Variants in ZNF804B observed in about 807,000 individuals in gnomAD.
ZNF804B encodes zinc finger protein 804B.
In ZNF804B, 80 loss-of-function variants were observed where a neutral mutation model predicts 101.4. The ratio of observed to expected loss-of-function variants is 0.79; its 90% CI spans 0.66 to 0.95. The LOEUF is 0.95. ZNF804B is among the 40% of genes least tolerant of loss of function. The probability of loss-of-function intolerance (pLI) is 0.00; values close to 1 mark genes in which losing one functional copy is unlikely to be tolerated. For synonymous variants in ZNF804B, 622 were observed against 558.8 expected (o/e 1.11, Z -1.59); for missense variants, 1,673 against 1,561.9 (o/e 1.07, Z -1.20).
intron 1 of ZNF804B, among the ~76,000 whole-genome samples, chr7:88,828,235 T>G (rs1791076579): frequency 6.6e-6 from 1 of 152,158 alleles, no homozygotes; most frequent in Non-Finnish European, 1.5e-5. Flanking sequence ...CCATTTTAAG[T>G]GCACATTTTG....
intron 1 of ZNF804B, among the ~76,000 whole-genome samples, chr7:89,073,088 A>T (rs1198741150): frequency 6.6e-6 from 1 of 152,152 alleles, no homozygotes; most frequent in Admixed American, 6.5e-5. Context: ...ATTTCTAGTA[A>T]TTTCTGTCAA....
intron 1 of ZNF804B, among the ~76,000 whole-genome samples, chr7:88,912,283 A>G (rs1403861142): frequency 1.3e-5 from 2 of 151,866 alleles, no homozygotes; most frequent in East Asian, 3.9e-4. Context: ...TTCATTATTG[A>G]CTGTTAGGAG....
At chr7:89,055,807 G>T (rs536081390) in intron 1 of ZNF804B, among the ~76,000 whole-genome samples, 4 of 152,136 alleles carry the variant, frequency 2.6e-5, no homozygotes, top group African/African-American at 9.6e-5. Flanking sequence ...GAGGGGTAGA[G>T]CTGCACAGGA....
chr7:88,776,567 T>G (rs79835538), intron 1 of ZNF804B, among the ~76,000 whole-genome samples: 8,087 of 145,108 alleles, frequency 0.056, 432 homozygotes, highest in East Asian at 0.17. Flanking sequence ...TTTGTTTTTT[T>G]TTTTTTTTTT....
At chr7:89,283,915 C>T (rs1238942778) in intron 2 of ZNF804B, among the ~76,000 whole-genome samples, 1 of 151,734 alleles carries the variant, frequency 6.6e-6, no homozygotes, top group Non-Finnish European at 1.5e-5. Flanking sequence ...TACTATGTAA[C>T]TTAGAAATAT....
At chr7:88,899,923 C>T (rs549147980) in intron 1 of ZNF804B, among the ~76,000 whole-genome samples, 1 of 152,176 alleles carries the variant, frequency 6.6e-6, no homozygotes, top group African/African-American at 2.4e-5. Flanking sequence ...ATATGGATTT[C>T]ATATGTAGGT....
intron 1 of ZNF804B, among the ~76,000 whole-genome samples, chr7:89,138,767 GA>G (rs1790673676): frequency 6.6e-6 from 1 of 152,104 alleles, no homozygotes; most frequent in African/African-American, 2.4e-5. Flanking sequence ...TAAGTCTCAT[GA>G]GATCTGATGG....
chr7:88,790,218 G>A (rs1451537090), intron 1 of ZNF804B, among the ~76,000 whole-genome samples: 1 of 152,006 alleles, frequency 6.6e-6, no homozygotes, highest in Admixed American at 6.6e-5. Flanking sequence ...GTTAAGTTAT[G>A]TACTCTTATT....
At chr7:89,073,111 G>A (rs1410724915) in intron 1 of ZNF804B, among the ~76,000 whole-genome samples, 2 of 152,058 alleles carry the variant, frequency 1.3e-5, no homozygotes, top group Non-Finnish European at 2.9e-5. Context: ...CATGTCATGA[G>A]AATTTTTAAA....
intron 1 of ZNF804B, among the ~76,000 whole-genome samples, chr7:89,212,902 G>A (rs1673547347): frequency 6.6e-6 from 1 of 152,054 alleles, no homozygotes. Context: ...TCATATTTTG[G>A]GGTGGCATAT....
intron 1 of ZNF804B, among the ~76,000 whole-genome samples, chr7:88,937,647 CTAATT>C (rs1225002097): frequency 6.6e-6 from 1 of 151,596 alleles, no homozygotes; most frequent in Non-Finnish European, 1.5e-5. Context: ...AATAAATAAT[CTAATT>C]TCTTGTAAGA....
intron 2 of ZNF804B, among the ~76,000 whole-genome samples, chr7:89,265,100 T>G (rs1386662263): frequency 1.3e-5 from 2 of 152,200 alleles, no homozygotes; most frequent in East Asian, 3.9e-4. Context: ...TTGTAGGGGC[T>G]GCCAAGAGTA....
At chr7:89,233,898 A>G (rs1305736611) in intron 2 of ZNF804B, among the ~76,000 whole-genome samples, 1 of 152,210 alleles carries the variant, frequency 6.6e-6, no homozygotes, top group Non-Finnish European at 1.5e-5. Context: ...TGCTGGGATC[A>G]CATGTGTGGC....
chr7:88,900,502 A>C (rs1206531712), intron 1 of ZNF804B, among the ~76,000 whole-genome samples: 3 of 150,270 alleles, frequency 2.0e-5, no homozygotes, highest in African/African-American at 4.9e-5. Context: ...TGATCTATTA[A>C]ATTTTCAACA....
chr7:89,090,952 G>A (rs1789876228), intron 1 of ZNF804B, among the ~76,000 whole-genome samples: 1 of 152,028 alleles, frequency 6.6e-6, no homozygotes, highest in Admixed American at 6.6e-5. Flanking sequence ...AAATAAAGGG[G>A]TGATCAGAAT....
intron 2 of ZNF804B, among the ~76,000 whole-genome samples, chr7:89,290,418 C>T (rs999552460): frequency 2.6e-5 from 4 of 152,064 alleles, no homozygotes; most frequent in African/African-American, 9.7e-5. Context: ...TCTTGGGGTC[C>T]CCGATTTCAA....
chr7:88,797,448 T>A (rs1010808520), intron 1 of ZNF804B, among the ~76,000 whole-genome samples: 1 of 152,136 alleles, frequency 6.6e-6, no homozygotes, highest in Non-Finnish European at 1.5e-5. Flanking sequence ...TTTCTTTCCC[T>A]CCATAGAATG....
At chr7:89,039,410 G>A (rs1788980339) in intron 1 of ZNF804B, among the ~76,000 whole-genome samples, 1 of 151,772 alleles carries the variant, frequency 6.6e-6, no homozygotes, top group African/African-American at 2.4e-5. Flanking sequence ...TTAGTGTACA[G>A]ATCTTTCACC....
chr7:89,295,321 G>T lies in ZNF804B; in HGVS notation c.250-32023G>T, dbSNP rs1355264463. ...TCAGTACAAGATGCTATGTAGTACA[G>T]TTGCTCAAAATGCAATTCTGCAGTG... On this transcript the variant is annotated intron_variant, in intron 2 of 3. Transcript: ENST00000333190. 2.0e-5 allele frequency among the ~76,000 whole-genome samples: 3 copies of T among 152,256 alleles called. No homozygotes were observed. The East Asian group carries it at 5.8e-4, about 29-fold the overall frequency.
Sources: gnomAD v4.1 joint callset for allele counts (sites outside exome capture counted in the v4.1 genomes callset) on GRCh38, gnomAD v4.1.1 for gene constraint, MANE v1.5 for transcripts, NCBI Gene and HGNC (gene_info 2026-07-23, HGNC 2026-07-21) for gene names.